EXOC6: variants seen among roughly 807,000 people sequenced by gnomAD.
The protein encoded by EXOC6 is exocyst complex component 6.
EXOC6 carries 60 observed loss-of-function variants against 112.5 expected under a neutral mutation model. That is an observed-to-expected ratio of 0.53 (90% confidence interval 0.43 to 0.66). The LOEUF (loss-of-function observed/expected upper bound fraction) is 0.66. Among genes scored for constraint, EXOC6 ranks in the 30% least tolerant of loss-of-function variants. The pLI is 0.00. For synonymous variants in EXOC6, 295 were observed against 308.0 expected (o/e 0.96, Z 0.44); for missense variants, 855 against 957.1 (o/e 0.89, Z 1.41).
At chr10:92,946,719 C>A (rs536380071) in intron 13 of EXOC6, among the ~76,000 whole-genome samples, 1 of 152,212 alleles carries the variant, frequency 6.6e-6, no homozygotes, top group East Asian at 1.9e-4. Context: ...TGGTTTTACA[C>A]CCCCCCACAC....
At chr10:92,899,527 T>C (rs900152532) in intron 4 of EXOC6, 72 bp from the exon 5 acceptor site, 1 of 1,075,692 alleles carries the variant, frequency 9.3e-7, no homozygotes, top group East Asian at 2.5e-5. Flanking sequence ...TCTTTCCTGC[T>C]TTGATTATTT....
chr10:92,935,508 T>G (rs1479053467), intron 11 of EXOC6, among the ~76,000 whole-genome samples: 1 of 152,078 alleles, frequency 6.6e-6, no homozygotes, highest in Non-Finnish European at 1.5e-5. Context: ...GGAAAATAAG[T>G]AAATAGATGA....
chr10:93,018,635 T>G (rs1261291179), intron 20 of EXOC6, among the ~76,000 whole-genome samples: 1 of 152,064 alleles, frequency 6.6e-6, no homozygotes, highest in Non-Finnish European at 1.5e-5. Flanking sequence ...TTACCAGATA[T>G]TTCAGAGCCA....
At chr10:92,879,956 G>A (rs1848866966) in intron 1 of EXOC6, among the ~76,000 whole-genome samples, 1 of 152,070 alleles carries the variant, frequency 6.6e-6, no homozygotes, top group African/African-American at 2.4e-5. Flanking sequence ...TAAAGCAATA[G>A]GTAACAGGGT....
intron 1 of EXOC6, among the ~76,000 whole-genome samples, chr10:92,828,399 T>A (rs1306829755): frequency 2.0e-5 from 3 of 152,202 alleles, no homozygotes; most frequent in Admixed American, 2.0e-4. Context: ...AGTGGTGCGA[T>A]CTTGGCTCAC....
intron 18 of EXOC6, among the ~76,000 whole-genome samples, chr10:92,974,573 G>GGTCTCCCTCTCCCTCTCTTTCCAC (rs1431334618): frequency 6.6e-6 from 1 of 150,966 alleles, no homozygotes; most frequent in Non-Finnish European, 1.5e-5. Flanking sequence ...CTCTCCCCAC[G>GGTCTCCCTCTCCCTCTCTTTCCAC]GTCTCCCTCT....
chr10:92,894,940 A>G lies in EXOC6; in HGVS notation c.332A>G (p.His111Arg), dbSNP rs1210661843. Residue 111 changes from histidine (H) to arginine (R), a missense_variant, in exon 4 of 22, where the codon CAC becomes CGC. Coordinates refer to ENST00000260762, the MANE Select transcript of EXOC6 (RefSeq NM_019053.6). ...TCCTTCTTTTCTAAGGTGATAGTCC[A>G]CACAGAAGATATCATTCGATGTAGA... ...FQDAGKEVIV[H>R]TEDIIRCRIQ... 6.2e-7 allele frequency: 1 copy of G among 1,611,694 alleles called. No individual in the cohort carries two copies.
In EXOC6 at chr10:92,881,823, G is replaced by T. The variant is rs903862902; in HGVS notation, c.102-11526G>T. Among the ~76,000 whole-genome samples the T allele has an allele frequency of 1.1e-4, 16 of 152,070 alleles. 1 individual carries two copies. The highest frequency in any genetic ancestry group is 9.2e-4 in the Admixed American group (14 of 15,246). ...TGTTCTCCTGATAGTAAGTTCTCAC[G>T]AGATCTGATGGTTTTATAAGGGGCA... On this transcript the variant is annotated intron_variant, in intron 1 of 21. Coordinates refer to ENST00000260762, the MANE Select transcript of EXOC6 (RefSeq NM_019053.6).
intron 8 of EXOC6, 42 bp downstream of exon 8, chr10:92,920,092 T>C (rs1212222846): frequency 8.0e-7 from 1 of 1,253,762 alleles, no homozygotes; most frequent in Non-Finnish European, 1.1e-6. Context: ...CTTTATATTA[T>C]TTAAAAGGCA....
At chr10:92,948,809 G>A (rs1853214984) in intron 14 of EXOC6, among the ~76,000 whole-genome samples, 2 of 55,304 alleles carry the variant, frequency 3.6e-5, no homozygotes. Context: ...TTATCACTGT[G>A]GAAGATTTAA....
intron 8 of EXOC6, among the ~76,000 whole-genome samples, chr10:92,926,979 CTG>C (rs1729272035): frequency 6.6e-6 from 1 of 152,028 alleles, no homozygotes; most frequent in Admixed American, 6.6e-5. Context: ...CATATTAAAA[CTG>C]TGTGGGGGAC....
At position 92,909,534 on chromosome 10, in the gene EXOC6, G is replaced by C. The variant is rs778732592; in HGVS notation, c.566G>C (p.Arg189Pro). 10 of 1,613,164 alleles carry C rather than the reference G, an allele frequency of 6.2e-6. No individual in the cohort carries two copies. Among genetic ancestry groups the C allele is most frequent in the Non-Finnish European group, 8.5e-6 (10 of 1,179,352 alleles). ...QLMIENLPKL[R>P]EDIKEISMSD... ...ATGATAGAAAATCTTCCCAAACTCC[G>C]TGAGGATATTAAAGAAATCTCCATG... Residue 189 changes from arginine (R) to proline (P), a missense_variant, in exon 6 of 22, where the codon CGT becomes CCT. Coordinates refer to ENST00000260762, the MANE Select transcript of EXOC6 (RefSeq NM_019053.6).
intron 18 of EXOC6, among the ~76,000 whole-genome samples, chr10:92,975,806 C>T (rs1376902652): frequency 1.6e-4 from 8 of 49,422 alleles, no homozygotes; most frequent in Admixed American, 6.9e-4. Context: ...GGTCAGCCCC[C>T]GCGCCCGGCC....
intron 4 of EXOC6, among the ~76,000 whole-genome samples, chr10:92,896,877 A>G (rs1849857815): frequency 6.6e-6 from 1 of 152,090 alleles, no homozygotes; most frequent in African/African-American, 2.4e-5. Context: ...TTGTGAGAAT[A>G]GCTTTTCTTT....
chr10:92,894,756 G>T (rs757208581), intron 2 of EXOC6, 38 bp from the exon 3 acceptor site: 1 of 1,572,104 alleles, frequency 6.4e-7, no homozygotes, highest in Non-Finnish European at 8.8e-7. Context: ...GCAGTTTTAT[G>T]CATATTTGTC....
intron 1 of EXOC6, among the ~76,000 whole-genome samples, chr10:92,863,874 C>CA (rs1255811014): frequency 5.5e-5 from 8 of 144,520 alleles, no homozygotes; most frequent in African/African-American, 2.1e-4. Flanking sequence ...TATATCGCGC[C>CA]ACTGCACTCC....
At chr10:93,047,753 C>T (rs1846069142) in intron 20 of EXOC6, among the ~76,000 whole-genome samples, 2 of 152,018 alleles carry the variant, frequency 1.3e-5, no homozygotes, top group African/African-American at 4.8e-5. Context: ...TGAGACCAGC[C>T]TGACCAACAG....
At position 92,834,806 on chromosome 10, in the gene EXOC6, C is replaced by CTATT; in HGVS notation, c.69_70insATTT (p.Val24IlefsTer3). 6.2e-7 allele frequency: 1 copy of CTATT among 1,609,096 alleles called. No individual in the cohort carries two copies. The highest frequency in any genetic ancestry group is 8.5e-7 in the Non-Finnish European group (1 of 1,176,374). On this transcript the variant is annotated frameshift_variant, in exon 1 of 22. Coordinates refer to the EXOC6 transcript ENST00000371552. LOFTEE classifies it high-confidence loss of function. ...GCTGAGATTCAGTCTTTCGAACTGCCTGTTGAAGCTACTTTAAGGTAGGGC... is the reference window on the plus strand; with the variant it reads ...GCTGAGATTCAGTCTTTCGAACTGCCTATTTGTTGAAGCTACTTTAAGGTAGGGC...
intron 7 of EXOC6, among the ~76,000 whole-genome samples, chr10:92,917,389 C>G (rs913668716): frequency 1.3e-5 from 2 of 150,766 alleles, no homozygotes; most frequent in Non-Finnish European, 1.5e-5. Flanking sequence ...TGCTGAAATA[C>G]TACAAAAATA....
Sources: allele counts gnomAD v4.1 joint callset (sites outside exome capture counted in the v4.1 genomes callset), GRCh38; gene constraint gnomAD v4.1.1; transcripts MANE v1.5; gene names NCBI Gene and HGNC (gene_info 2026-07-23, HGNC 2026-07-21).